The following EPHA3 variants were observed in gnomAD, a reference collection of about 807,000 sequenced individuals.
The protein encoded by EPHA3 is ephrin type-A receptor 3.
Under a neutral mutation model 107.1 loss-of-function variants are expected in EPHA3, and 42 were observed. That is an observed-to-expected ratio of 0.39 (90% CI 0.31 to 0.51). The LOEUF (loss-of-function observed/expected upper bound fraction) is 0.51. EPHA3 is among the 20% of genes least tolerant of loss of function. The probability of loss-of-function intolerance (pLI) is 0.78; values close to 1 mark genes in which losing one functional copy is unlikely to be tolerated. For missense variants in EPHA3, 1,183 were observed against 1,211.2 expected, an observed-to-expected ratio of 0.98 and a Z score of 0.35; for synonymous variants, 461 against 424.8, an observed-to-expected ratio of 1.09 and a Z score of -1.05.
At chr3:89,459,491 CTCCTTCCT>C (rs58738148) in intron 15 of EPHA3, among the ~76,000 whole-genome samples, 4,205 of 126,334 alleles carry the variant, frequency 0.033, 94 homozygotes, top group Non-Finnish European at 0.039. Flanking sequence ...CCTTCCTTCT[CTCCTTCCT>C]TCCTTCCTTC....
intron 13 of EPHA3, among the ~76,000 whole-genome samples, chr3:89,442,571 G>A (rs1387536512): frequency 1.3e-5 from 2 of 152,132 alleles, no homozygotes; most frequent in Admixed American, 1.3e-4. Context: ...CAACGCACAG[G>A]ACAGCCGTCA....
chr3:89,110,714 G>A (rs1339485636), intron 1 of EPHA3, among the ~76,000 whole-genome samples: 2 of 151,890 alleles, frequency 1.3e-5, no homozygotes, highest in Non-Finnish European at 2.9e-5. Context: ...GCTACACTAC[G>A]TATTATTTTA....
intron 3 of EPHA3, among the ~76,000 whole-genome samples, chr3:89,323,115 G>A (rs1161050803): frequency 6.6e-6 from 1 of 151,988 alleles, no homozygotes; most frequent in Non-Finnish European, 1.5e-5. Flanking sequence ...CTAAGTAAAG[G>A]CAAATGTGGT....
rs1708629770 is a variant in EPHA3 at position 89,386,682 on chromosome 3, G to A, written c.1307-9155G>A. 2.0e-5 allele frequency among the ~76,000 whole-genome samples: 3 copies of A among 152,244 alleles called. No homozygotes were observed. In the South Asian group the frequency reaches 6.2e-4, roughly 32 times the overall value. ...CCACTATCCTCTAGACCCCAGAATGGTGGATCCACTGACAGCTTGCGTTGG... is the reference window on the plus strand; with the variant it reads ...CCACTATCCTCTAGACCCCAGAATGATGGATCCACTGACAGCTTGCGTTGG... On this transcript the variant is annotated intron_variant, in intron 5 of 16. Coordinates refer to ENST00000336596, the MANE Select transcript of EPHA3 (RefSeq NM_005233.6).
rs773459645 is a variant in EPHA3, at chr3:89,472,455, T to C, written c.2691-9T>C. On this transcript the variant is annotated splice_polypyrimidine_tract_variant and intron_variant, in intron 15 of 16. Transcript: ENST00000336596. ...GATCTGTCTCCCTTTGGTGTTTTTT[T>C]TCTTGCAGGCCATCAAACCTTCTTC... The C allele has an allele frequency of 6.2e-7, 1 of 1,612,992 alleles. No homozygotes were observed. Among genetic ancestry groups the C allele is most frequent in the Non-Finnish European group, 8.5e-7 (1 of 1,179,422 alleles).
At chr3:89,259,087 G>A (rs1186482290) in intron 3 of EPHA3, among the ~76,000 whole-genome samples, 1 of 152,182 alleles carries the variant, frequency 6.6e-6, no homozygotes, top group Non-Finnish European at 1.5e-5. Flanking sequence ...TGAAGAGTAT[G>A]TGGGGATGCT....
intron 3 of EPHA3, among the ~76,000 whole-genome samples, chr3:89,270,862 A>C (rs926887986): frequency 6.6e-6 from 1 of 152,122 alleles, no homozygotes. Flanking sequence ...AAAAGTTATT[A>C]AGAAAATCAT....
intron 3 of EPHA3, among the ~76,000 whole-genome samples, chr3:89,283,129 C>T (rs920399456): frequency 3.9e-5 from 6 of 152,036 alleles, no homozygotes; most frequent in Admixed American, 6.6e-5. Context: ...AGTAACAGGG[C>T]ATGAACAAGT....
chr3:89,175,937 C>T (rs1321423685), intron 2 of EPHA3, among the ~76,000 whole-genome samples: 2 of 151,982 alleles, frequency 1.3e-5, no homozygotes, highest in South Asian at 2.1e-4. Flanking sequence ...CAGTTGTTTT[C>T]GTTTTGGCCA....
At chr3:89,422,258 C>T (rs1035782280) in intron 11 of EPHA3, among the ~76,000 whole-genome samples, 2 of 144,928 alleles carry the variant, frequency 1.4e-5, no homozygotes, top group Non-Finnish European at 3.0e-5. Flanking sequence ...CCAAAAGAAG[C>T]TATTTATTCT....
chr3:89,298,917 T>C (rs948649580), intron 3 of EPHA3, among the ~76,000 whole-genome samples: 5 of 152,222 alleles, frequency 3.3e-5, no homozygotes, highest in Middle Eastern at 3.4e-3. Context: ...ACTATCATCA[T>C]GAAGATGATA....
At chr3:89,290,137 G>A (rs1160749694) in intron 3 of EPHA3, among the ~76,000 whole-genome samples, 1 of 152,060 alleles carries the variant, frequency 6.6e-6, no homozygotes, top group Non-Finnish European at 1.5e-5. Flanking sequence ...TTCCTTTCTG[G>A]AGGTTTTATC....
rs1707435143 is a variant in EPHA3, at chr3:89,338,182, G to T, written c.815-2734G>T. Among the ~76,000 whole-genome samples, 6 of 152,194 alleles carry T rather than the reference G, an allele frequency of 3.9e-5. No homozygotes were observed. In the South Asian group the frequency reaches 1.2e-3, roughly 31 times the overall value. On this transcript the variant is annotated intron_variant, in intron 3 of 16. Transcript: ENST00000336596. ...AGGAAGGATTTGGCTGGCTTCATCT[G>T]TGAGCAAAATCAGGATTCTGCTGGC...
At chr3:89,219,565 A>G (rs1324986055) in intron 3 of EPHA3, among the ~76,000 whole-genome samples, 1 of 151,882 alleles carries the variant, frequency 6.6e-6, no homozygotes, top group Non-Finnish European at 1.5e-5. Context: ...CTTAGATTTG[A>G]GTGGAAATAT....
chr3:89,250,085 T>C (rs775082074), intron 3 of EPHA3, among the ~76,000 whole-genome samples: 9 of 152,260 alleles, frequency 5.9e-5, no homozygotes, highest in Non-Finnish European at 8.8e-5. Flanking sequence ...TTTCCAGTTT[T>C]AAAGTTCTTT....
intron 2 of EPHA3, among the ~76,000 whole-genome samples, chr3:89,157,719 T>C (rs1233891710): frequency 6.6e-6 from 1 of 151,996 alleles, no homozygotes; most frequent in Non-Finnish European, 1.5e-5. Context: ...CTACAGGTAC[T>C]AATTCCAGGA....
At chr3:89,187,304 C>G (rs959041344) in intron 2 of EPHA3, among the ~76,000 whole-genome samples, 2 of 147,210 alleles carry the variant, frequency 1.4e-5, no homozygotes, top group African/African-American at 2.5e-5. Flanking sequence ...TATACATTAC[C>G]GATTTATTAG....
At chr3:89,375,267 C>G (rs76063113) in intron 5 of EPHA3, among the ~76,000 whole-genome samples, 2,322 of 151,684 alleles carry the variant, frequency 0.015, 44 homozygotes, top group African/African-American at 0.053. Context: ...CACCAATATT[C>G]CTAAGTATTT....
At chr3:89,448,281 A>G (rs1167098451) in intron 13 of EPHA3, among the ~76,000 whole-genome samples, 2 of 152,154 alleles carry the variant, frequency 1.3e-5, no homozygotes, top group South Asian at 2.1e-4. Context: ...TATATGATTT[A>G]TATGCATTAT....
Sources: gnomAD v4.1 joint callset for allele counts (sites outside exome capture counted in the v4.1 genomes callset) on GRCh38, gnomAD v4.1.1 for gene constraint, MANE v1.5 for transcripts, NCBI Gene and HGNC (gene_info 2026-07-23, HGNC 2026-07-21) for gene names.